The following SNTG1 variants were observed in gnomAD, a reference collection of about 807,000 sequenced individuals.
SNTG1 encodes syntrophin gamma 1.
SNTG1 carries 39 observed loss-of-function variants against 74.7 expected under a neutral mutation model. The ratio of observed to expected loss-of-function variants is 0.52; its 90% CI spans 0.40 to 0.68. The LOEUF is 0.68. SNTG1 is among the 30% of genes least tolerant of loss of function. The probability of loss-of-function intolerance (pLI) is 0.00; values close to 1 mark genes in which losing one functional copy is unlikely to be tolerated. For missense variants in SNTG1, 685 were observed against 609.5 expected (o/e 1.12, Z -1.30); for synonymous variants, 254 against 217.1 (o/e 1.17, Z -1.49).
Position 50,704,645 on chromosome 8 carries a change from T to C in SNTG1, c.1084T>C (p.Ser362Pro), listed in dbSNP as rs374133900. The C allele has an allele frequency of 1.2e-6, 2 of 1,613,884 alleles. No homozygotes were observed. The highest frequency in any genetic ancestry group is 1.7e-6 in the Non-Finnish European group (2 of 1,179,996). Residue 362 changes from serine to proline, a missense_variant, in exon 16 of 19, where the codon TCT becomes CCT. Coordinates refer to ENST00000642720, the MANE Select transcript of SNTG1 (RefSeq NM_018967.5). ...DRRKQCFTVQ[S>P]ESGEDLYFSV... ...ACGGAAACAGTGCTTCACCGTGCAG[T>C]CTGAGTCTGGGGAGGACCTGTACTT...
chr8:49,983,865 C>G (rs1812908948), intron 1 of SNTG1, among the ~76,000 whole-genome samples: 1 of 152,182 alleles, frequency 6.6e-6, no homozygotes, highest in Non-Finnish European at 1.5e-5. Flanking sequence ...TCATTTTATT[C>G]ATGAGAAAAT....
At chr8:50,292,273 C>T (rs2089153373) in intron 2 of SNTG1, among the ~76,000 whole-genome samples, 1 of 151,928 alleles carries the variant, frequency 6.6e-6, no homozygotes. Flanking sequence ...TAGTTGAGAG[C>T]ATAATCTACT....
intron 1 of SNTG1, among the ~76,000 whole-genome samples, chr8:50,150,803 T>G (rs1304570824): frequency 2.0e-5 from 3 of 152,182 alleles, no homozygotes; most frequent in African/African-American, 7.2e-5. Flanking sequence ...TGCTGCTGGA[T>G]TCGGTTTGTC....
In SNTG1 at chr8:50,066,899, G is replaced by A. The variant is rs563162933; in HGVS notation, c.-102-105662G>A. ...AATCCTCAAATGGAAATAAAAAACA[G>A]TAAAGAAAATATTGTAGTCTTATGT... is the stretch of plus-strand genomic sequence containing the variant. On this transcript the variant is annotated intron_variant, in intron 1 of 18. Coordinates refer to ENST00000642720, the MANE Select transcript of SNTG1 (RefSeq NM_018967.5). 1.1e-4 allele frequency among the ~76,000 whole-genome samples: 17 copies of A among 152,176 alleles called. No homozygotes were observed. The South Asian group carries it at 3.5e-3, about 32-fold the overall frequency.
At position 50,236,371 on chromosome 8, in the gene SNTG1, C is replaced by T. The variant is rs922461191; in HGVS notation, c.-28+63736C>T. ...AACCTTCTCCTTCCAAGGTATGATT[C>T]CGGTGCATCATTTTTATACATTTAA... On this transcript the variant is annotated intron_variant, in intron 2 of 18. Coordinates refer to ENST00000642720, the MANE Select transcript of SNTG1 (RefSeq NM_018967.5). Among the ~76,000 whole-genome samples, 8 of 151,932 alleles carry T rather than the reference C, an allele frequency of 5.3e-5. No homozygotes were observed. The East Asian group carries it at 1.5e-3, about 29-fold the overall frequency.
chr8:50,076,836 TC>T (rs1419452314), intron 1 of SNTG1, among the ~76,000 whole-genome samples: 1 of 152,138 alleles, frequency 6.6e-6, no homozygotes, highest in Non-Finnish European at 1.5e-5. Flanking sequence ...GAGTGGTAAC[TC>T]AGGAGATATC....
chr8:50,743,781 T>C (rs2095549055), intron 17 of SNTG1, among the ~76,000 whole-genome samples: 1 of 151,870 alleles, frequency 6.6e-6, no homozygotes, highest in Admixed American at 6.6e-5. Flanking sequence ...CTTGGATCAG[T>C]ATAAAGAAAT....
intron 15 of SNTG1, among the ~76,000 whole-genome samples, chr8:50,660,428 A>AAG (rs1352634278): frequency 2.7e-4 from 19 of 69,582 alleles, no homozygotes; most frequent in Non-Finnish European, 2.5e-5. Context: ...GAAAGAAAGA[A>AAG]GAAAGAAAGA....
At chr8:50,734,769 A>C (rs919861829) in intron 17 of SNTG1, among the ~76,000 whole-genome samples, 7 of 107,070 alleles carry the variant, frequency 6.5e-5, no homozygotes, top group East Asian at 5.1e-4. Flanking sequence ...ATATATATGG[A>C]CATATATATA....
At chr8:50,438,875 G>A (rs2093331627) in intron 5 of SNTG1, among the ~76,000 whole-genome samples, 2 of 152,124 alleles carry the variant, frequency 1.3e-5, no homozygotes, top group Admixed American at 1.3e-4. Context: ...TGTTAAATAT[G>A]ATGTCGTGTG....
chr8:50,608,090 A>T (rs1254468756), intron 13 of SNTG1, among the ~76,000 whole-genome samples: 1 of 151,668 alleles, frequency 6.6e-6, no homozygotes, highest in African/African-American at 2.4e-5. Context: ...GTGATTACAA[A>T]TCTTTCAATT....
intron 4 of SNTG1, among the ~76,000 whole-genome samples, chr8:50,418,585 C>A (rs1335623432): frequency 6.6e-6 from 1 of 152,028 alleles, no homozygotes; most frequent in Non-Finnish European, 1.5e-5. Context: ...TGTCCTGTTC[C>A]CTGCACTCCA....
chr8:50,431,961 C>G (rs1011121608), intron 4 of SNTG1, among the ~76,000 whole-genome samples: 1 of 152,050 alleles, frequency 6.6e-6, no homozygotes, highest in African/African-American at 2.4e-5. Context: ...AAATATTTTC[C>G]TCTAGTCCAT....
intron 2 of SNTG1, among the ~76,000 whole-genome samples, chr8:50,188,675 G>A (rs1179236705): frequency 2.0e-5 from 3 of 152,088 alleles, no homozygotes; most frequent in Non-Finnish European, 4.4e-5. Context: ...ACTTCCATTT[G>A]ATAATGGAGT....
intron 1 of SNTG1, among the ~76,000 whole-genome samples, chr8:50,034,159 A>G (rs1817960470): frequency 6.6e-6 from 1 of 152,208 alleles, no homozygotes; most frequent in Non-Finnish European, 1.5e-5. Context: ...TGGACTTTGG[A>G]AAAAATGAGG....
intron 15 of SNTG1, among the ~76,000 whole-genome samples, chr8:50,676,254 T>G (rs958105753): frequency 6.6e-6 from 1 of 151,866 alleles, no homozygotes; most frequent in Non-Finnish European, 1.5e-5. Flanking sequence ...TCTCCCTGTC[T>G]CCTTCAGGTA....
intron 1 of SNTG1, among the ~76,000 whole-genome samples, chr8:49,938,491 G>A (rs1354676225): frequency 6.6e-6 from 1 of 151,944 alleles, no homozygotes; most frequent in Non-Finnish European, 1.5e-5. Flanking sequence ...TTCTTCCAGT[G>A]CCAAAAGGTG....
chr8:50,450,644 T>C, intron 7 of SNTG1, 44 bp from the exon 8 acceptor site: 2 of 1,613,402 alleles, frequency 1.2e-6, no homozygotes, highest in Non-Finnish European at 1.7e-6. Context: ...ATTAACTCAA[T>C]TTACAATATG....
At chr8:50,542,951 G>T (rs2094358968) in intron 11 of SNTG1, among the ~76,000 whole-genome samples, 1 of 152,044 alleles carries the variant, frequency 6.6e-6, no homozygotes, top group Non-Finnish European at 1.5e-5. Flanking sequence ...TATTGTTATT[G>T]AGTTGTTTGA....
Sources: gnomAD v4.1 joint callset for allele counts (sites outside exome capture counted in the v4.1 genomes callset) on GRCh38, gnomAD v4.1.1 for gene constraint, MANE v1.5 for transcripts, NCBI Gene and HGNC (gene_info 2026-07-23, HGNC 2026-07-21) for gene names.